The following SPG11 variants were observed in gnomAD, a reference collection of about 807,000 sequenced individuals.
The protein encoded by SPG11 is SPG11 vesicle trafficking associated, spatacsin.
A neutral mutation model predicts 274.0 loss-of-function variants in SPG11; 222 were observed. The observed-to-expected ratio is 0.81, with a 90% CI of 0.73 to 0.91. The LOEUF is 0.91. Among genes scored for constraint, SPG11 ranks in the 40% least tolerant of loss-of-function variants. The probability of loss-of-function intolerance (pLI) is 0.00; values close to 1 mark genes in which losing one functional copy is unlikely to be tolerated. For synonymous variants in SPG11, 1,144 were observed against 1,039.7 expected (o/e 1.10, Z -1.93); for missense variants, 3,114 against 2,872.7 (o/e 1.08, Z -1.92).
At chr15:44,624,265 A>G (rs2083834587) in intron 11 of SPG11, among the ~76,000 whole-genome samples, 1 of 151,858 alleles carries the variant, frequency 6.6e-6, no homozygotes, top group Non-Finnish European at 1.5e-5. Flanking sequence ...AGGCAGGAGG[A>G]TTGCTTGAGC....
chr15:44,582,632 A>G (rs536025901), intron 30 of SPG11, among the ~76,000 whole-genome samples: 2 of 152,248 alleles, frequency 1.3e-5, no homozygotes, highest in Non-Finnish European at 2.9e-5. Context: ...AAAACAGCAA[A>G]TTGATTCCAG....
chr15:44,659,001 C>G, intron 3 of SPG11, 78 bp downstream of exon 3: 1 of 1,411,854 alleles, frequency 7.1e-7, no homozygotes, highest in Non-Finnish European at 1.0e-6. Context: ...GCTCCCAAAA[C>G]TAAAGCCTAA....
At chr15:44,578,635 A>G (rs950625775) in intron 30 of SPG11, among the ~76,000 whole-genome samples, 6 of 152,192 alleles carry the variant, frequency 3.9e-5, no homozygotes, top group Non-Finnish European at 7.4e-5. Context: ...GATCACTACC[A>G]AGGTCACAGA....
At chr15:44,621,722 T>C in intron 14 of SPG11, 37 bp downstream of exon 14, 16 of 1,583,132 alleles carry the variant, frequency 1.0e-5, no homozygotes, top group Non-Finnish European at 1.4e-5. Context: ...TTAATCCTCA[T>C]TCAGTATGTT....
At chr15:44,607,029 C>G (rs1262584202) in intron 19 of SPG11, among the ~76,000 whole-genome samples, 1 of 152,186 alleles carries the variant, frequency 6.6e-6, no homozygotes, top group Non-Finnish European at 1.5e-5. Flanking sequence ...AAGTGCTGGT[C>G]TAAAACAAGG....
chr15:44,564,408 A>C, intron 39 of SPG11, 139 bp downstream of exon 39: 1 of 789,026 alleles, frequency 1.3e-6, no homozygotes, highest in Non-Finnish European at 2.1e-6. Context: ...ACTTCCTTCT[A>C]AGGATTCTTG....
chr15:44,563,249 G>A lies in SPG11; in HGVS notation c.7204C>T (p.Leu2402Phe), dbSNP rs1555445717. Residue 2402 changes from leucine (L) to phenylalanine (F), a missense_variant, in exon 40 of 40, where the codon CTC becomes TTC. Leu to Phe is a conservative substitution (Grantham distance 22, BLOSUM62 0). Coordinates refer to ENST00000261866, the MANE Select transcript of SPG11 (RefSeq NM_025137.4). ...AGGTAAACATCTTCACAATATGTGA[G>A]TAATTTCTTCAGGTTTTCCATGACC... ...DMVMENLKKL[L>F]TYCEDVYLYY... is the part of the protein sequence containing the mutation. 1 of 1,613,976 alleles carries A rather than the reference G, an allele frequency of 6.2e-7. No individual in the cohort carries two copies. The highest frequency in any genetic ancestry group is 1.7e-5 in the Admixed American group (1 of 60,032).
chr15:44,662,162 A>C (rs2085129552), intron 1 of SPG11, among the ~76,000 whole-genome samples: 1 of 152,238 alleles, frequency 6.6e-6, no homozygotes, highest in African/African-American at 2.4e-5. Flanking sequence ...GTTTATAATA[A>C]GTTTATAAAC....
intron 7 of SPG11, among the ~76,000 whole-genome samples, chr15:44,646,129 G>T (rs1367128910): frequency 6.6e-6 from 1 of 152,040 alleles, no homozygotes; most frequent in Non-Finnish European, 1.5e-5. Flanking sequence ...CCCATTATTG[G>T]GTATATAACC....
rs201889395 is a variant in SPG11 at position 44,629,298 on chromosome 15, T to C, written c.1826A>G (p.Gln609Arg). The part of the protein sequence containing the change: ...SEPQSKHFSE[Q>R]LLNLTLSFLN... ...GAAAGACAGTGTAAGATTAAGCAAT[T>C]GTTCTGAAAAGTGTTTGCTTTGGGG... The change falls in exon 9 of 40, where the codon CAA becomes CGA. Residue 609 changes from glutamine (Q) to arginine (R), a missense_variant. By Grantham distance (43) the Gln-to-Arg change is conservative. Coordinates refer to ENST00000261866, the MANE Select transcript of SPG11 (RefSeq NM_025137.4). 1.2e-6 allele frequency: 2 copies of C among 1,614,114 alleles called. No individual in the cohort carries two copies. The highest frequency in any genetic ancestry group is 2.2e-5 in the East Asian group (1 of 44,876).
At chr15:44,652,758 G>A (rs1206712403) in intron 4 of SPG11, among the ~76,000 whole-genome samples, 1 of 151,636 alleles carries the variant, frequency 6.6e-6, no homozygotes, top group Non-Finnish European at 1.5e-5. Flanking sequence ...GGGTTCAAGC[G>A]ATTCTCCTGT....
chr15:44,576,235 G>A (rs1056113531), intron 30 of SPG11, among the ~76,000 whole-genome samples: 1 of 149,276 alleles, frequency 6.7e-6, no homozygotes, highest in South Asian at 2.1e-4. Context: ...AAAAAGTAAG[G>A]AATATTTATA....
In SPG11 at chr15:44,598,670, T is replaced by C. The variant is rs1422320754; in HGVS notation, c.3853A>G (p.Asn1285Asp). Residue 1285 changes from asparagine (N) to aspartate (D), a missense_variant, in exon 22 of 40, where the codon AAT (asparagine) becomes GAT (aspartate). Physicochemically the swap from Asn to Asp is conservative, Grantham distance 23. Transcript: ENST00000261866. ...ATAAAGCTGTACTGAGCATCTTCAT[T>C]TCTGCACTTGTAGCTCAAAATTATA... ...ANIILSYKCR[N>D]EDAQYSFIRE... The C allele has an allele frequency of 1.2e-6, 2 of 1,614,204 alleles. No individual in the cohort carries two copies. Among genetic ancestry groups the C allele is most frequent in the Non-Finnish European group, 8.5e-7 (1 of 1,180,022 alleles).
In SPG11 at chr15:44,600,424, G is replaced by A. The variant is rs370899281; in HGVS notation, c.3686+43C>T. The A allele has an allele frequency of 2.7e-5, 44 of 1,607,218 alleles. No homozygotes were observed. The African/African-American group carries it at 5.5e-4, about 20-fold the overall frequency. ...TTCCCAAAGTGCTGGGATTACAGGTGTGAACCACTGTACCCAGACAAAATT... is the reference window on the plus strand; with the variant it reads ...TTCCCAAAGTGCTGGGATTACAGGTATGAACCACTGTACCCAGACAAAATT... On this transcript the variant is annotated intron_variant, in intron 21 of 39. Coordinates refer to ENST00000261866, the MANE Select transcript of SPG11 (RefSeq NM_025137.4).
intron 10 of SPG11, 52 bp from the exon 11 acceptor site, chr15:44,626,559 T>G: frequency 6.4e-7 from 1 of 1,557,768 alleles, no homozygotes; most frequent in Non-Finnish European, 8.8e-7. Context: ...TTCCTTATTA[T>G]GATTATCAAC....
Position 44,585,402 on chromosome 15 carries a change from C to T in SPG11, c.5121+234G>A, listed in dbSNP as rs1055855009. Among the ~76,000 whole-genome samples the T allele has an allele frequency of 2.1e-3, 247 of 120,458 alleles. 3 individuals carry two copies. The highest frequency in any genetic ancestry group is 7.4e-3 in the African/African-American group (230 of 30,940). The allele number at this position is 120,458 out of a possible 152,430, so 79.0% of individuals were successfully genotyped here. A position where few individuals can be genotyped will look rare whatever the true frequency, so the allele number is the denominator to read the frequency against. On this transcript the variant is annotated intron_variant, in intron 29 of 39. Transcript: ENST00000261866. ...CAGATCAAGACCATCCTGGCTAACACAGTGAAACCCCATCTCTACTAAAAA... is the reference window on the plus strand; with the variant it reads ...CAGATCAAGACCATCCTGGCTAACATAGTGAAACCCCATCTCTACTAAAAA...
chr15:44,659,810 C>T (rs1423223038), intron 2 of SPG11, among the ~76,000 whole-genome samples: 2 of 152,228 alleles, frequency 1.3e-5, no homozygotes, highest in Non-Finnish European at 2.9e-5. Context: ...CCTGTAATCC[C>T]AGCACTTTGG....
chr15:44,596,420 T>C, intron 24 of SPG11, 65 bp from the exon 25 acceptor site: 1 of 1,577,162 alleles, frequency 6.3e-7, no homozygotes, highest in African/African-American at 1.3e-5. Context: ...GCTGAAAATG[T>C]TAGAGAAAAG....
At chr15:44,600,081 A>T (rs934724023) in intron 21 of SPG11, among the ~76,000 whole-genome samples, 2 of 152,222 alleles carry the variant, frequency 1.3e-5, no homozygotes, top group Non-Finnish European at 2.9e-5. Context: ...TTTTCAAAAC[A>T]TATTTATGTT....
Sources: gnomAD v4.1 joint callset for allele counts (sites outside exome capture counted in the v4.1 genomes callset) on GRCh38, gnomAD v4.1.1 for gene constraint, MANE v1.5 for transcripts, NCBI Gene and HGNC (gene_info 2026-07-23, HGNC 2026-07-21) for gene names.